The following DCAF6 variants were observed in gnomAD, a reference collection of about 807,000 sequenced individuals.
DCAF6 encodes the protein DDB1- and CUL4-associated factor 6.
A neutral mutation model predicts 125.1 loss-of-function variants in DCAF6; 54 were observed. The observed-to-expected ratio is 0.43, with a 90% CI of 0.35 to 0.54. DCAF6 has a LOEUF of 0.54. DCAF6 is among the 20% of genes least tolerant of loss of function. The pLI is 0.01. For missense variants in DCAF6, 934 were observed against 1,161.7 expected, an observed-to-expected ratio of 0.80 and a Z score of 2.85; for synonymous variants, 371 against 390.4, an observed-to-expected ratio of 0.95 and a Z score of 0.58.
intron 16 of DCAF6, among the ~76,000 whole-genome samples, chr1:168,050,439 G>A (rs1345392690): frequency 6.6e-6 from 1 of 152,168 alleles, no homozygotes; most frequent in Non-Finnish European, 1.5e-5. Context: ...GACTCCTAGG[G>A]AGTTAAAAGC....
At chr1:167,927,497 A>G in the DCAF6 span, among the ~76,000 whole-genome samples, 8 of 152,142 alleles carry the variant, frequency 5.3e-5, no homozygotes, top group Non-Finnish European at 1.2e-4. Flanking sequence ...GAGTCAGTCC[A>G]TGTATTGTTT....
At chr1:168,036,249 T>C (rs1687790616) in intron 12 of DCAF6, among the ~76,000 whole-genome samples, 1 of 152,202 alleles carries the variant, frequency 6.6e-6, no homozygotes, top group Admixed American at 6.5e-5. Context: ...AGCATGTAGA[T>C]ATCTATAACT....
chr1:167,882,271 G>A, the DCAF6 span, among the ~76,000 whole-genome samples: 1 of 152,008 alleles, frequency 6.6e-6, no homozygotes, highest in South Asian at 2.1e-4. Flanking sequence ...GATCACTTGA[G>A]GTCAGGAATT....
chr1:167,884,336 G>C, the DCAF6 span, among the ~76,000 whole-genome samples: 1 of 152,050 alleles, frequency 6.6e-6, no homozygotes, highest in African/African-American at 2.4e-5. Flanking sequence ...GAGAGCAGGG[G>C]GAGTGCTACA....
At chr1:167,948,608 A>G (rs1006174378) in intron 1 of DCAF6, among the ~76,000 whole-genome samples, 36 of 152,180 alleles carry the variant, frequency 2.4e-4, no homozygotes, top group South Asian at 2.1e-4. Context: ...AAAATGAGCA[A>G]TAGCTGTATA....
At chr1:168,041,898 A>G (rs1014828056) in intron 13 of DCAF6, among the ~76,000 whole-genome samples, 5 of 96,460 alleles carry the variant, frequency 5.2e-5, no homozygotes, top group South Asian at 5.2e-4. Context: ...TGTCGCGCAC[A>G]CACACACACA....
At chr1:168,049,954 C>G (rs566361699) in intron 16 of DCAF6, among the ~76,000 whole-genome samples, 4 of 149,938 alleles carry the variant, frequency 2.7e-5, no homozygotes, top group Admixed American at 2.6e-4. Context: ...CGCACCCAGG[C>G]TGTATAATTT....
the DCAF6 span, among the ~76,000 whole-genome samples, chr1:167,891,393 A>G: frequency 1.3e-5 from 2 of 151,904 alleles, no homozygotes; most frequent in Non-Finnish European, 2.9e-5. Context: ...GCAGTGGCTC[A>G]CATCTGTAAT....
chr1:167,957,302 C>T (rs1571659420), intron 2 of DCAF6, among the ~76,000 whole-genome samples: 1 of 151,982 alleles, frequency 6.6e-6, no homozygotes, highest in African/African-American at 2.4e-5. Context: ...CTAATACTTT[C>T]TGTCTCTACC....
chr1:167,885,612 G>A, the DCAF6 span, among the ~76,000 whole-genome samples: 29 of 152,030 alleles, frequency 1.9e-4, no homozygotes, highest in Non-Finnish European at 4.4e-5. Context: ...TTTGAGAAAT[G>A]TCTATTTCGA....
intron 20 of DCAF6, among the ~76,000 whole-genome samples, chr1:168,067,117 T>C (rs1478217903): frequency 6.6e-6 from 1 of 152,224 alleles, no homozygotes; most frequent in Non-Finnish European, 1.5e-5. Context: ...GGTTCTCATA[T>C]ACTATTTCTT....
intron 1 of DCAF6, among the ~76,000 whole-genome samples, chr1:167,948,013 T>G (rs1673332059): frequency 6.6e-6 from 1 of 152,200 alleles, no homozygotes; most frequent in Non-Finnish European, 1.5e-5. Flanking sequence ...TTTCTTTAGG[T>G]CTAGTAATAC....
rs530050271 is a variant in DCAF6 at position 167,943,021 on chromosome 1, C to T, written c.97+6013C>T. Among the ~76,000 whole-genome samples the T allele has an allele frequency of 5.3e-5, 8 of 152,272 alleles. No individual in the cohort carries two copies. In the South Asian group the frequency reaches 1.0e-3, roughly 20 times the overall value. On this transcript the variant is annotated intron_variant, in intron 1 of 21. Coordinates refer to ENST00000367840, the MANE Select transcript of DCAF6 (RefSeq NM_001198956.2). ...TCCTGGGTTCACACCATTCTCCTGC[C>T]TCAGCCTCCCGAGTAGCTGGGACTA...
chr1:168,055,338 T>G (rs1446671382), intron 17 of DCAF6, among the ~76,000 whole-genome samples: 186 of 6,120 alleles, frequency 0.03, 27 homozygotes, highest in Middle Eastern at 0.17. Flanking sequence ...TAAGTTTTTT[T>G]TTTTTTTTTT....
chr1:167,943,200 C>T (rs571174127), intron 1 of DCAF6, among the ~76,000 whole-genome samples: 11 of 152,284 alleles, frequency 7.2e-5, no homozygotes, highest in Admixed American at 1.3e-4. Context: ...TGAGCCACCG[C>T]GCCTGGCCGA....
chr1:167,931,397 T>C (rs557887203), upstream of DCAF6, among the ~76,000 whole-genome samples: 1 of 152,338 alleles, frequency 6.6e-6, no homozygotes, highest in South Asian at 2.1e-4. Flanking sequence ...TGTTTGAAGA[T>C]ATTCTATTTT....
intron 4 of DCAF6, among the ~76,000 whole-genome samples, chr1:167,979,525 T>A (rs142071612): frequency 3.9e-5 from 6 of 152,322 alleles, no homozygotes; most frequent in Middle Eastern, 6.8e-3. Context: ...TTGTAGCATA[T>A]GTCAGAATTT....
chr1:167,982,593 T>G (rs1268343686), intron 4 of DCAF6, among the ~76,000 whole-genome samples: 1 of 152,216 alleles, frequency 6.6e-6, no homozygotes, highest in Non-Finnish European at 1.5e-5. Context: ...GCAAATATTT[T>G]CTTTCATTCT....
chr1:167,891,097 G>A, the DCAF6 span, among the ~76,000 whole-genome samples: 1 of 152,012 alleles, frequency 6.6e-6, no homozygotes, highest in Non-Finnish European at 1.5e-5. Context: ...GAGTAGCTGG[G>A]ATTACAGGTG....
Sources: gnomAD v4.1 joint callset for allele counts (sites outside exome capture counted in the v4.1 genomes callset) on GRCh38, gnomAD v4.1.1 for gene constraint, MANE v1.5 for transcripts, NCBI Gene and HGNC (gene_info 2026-07-23, HGNC 2026-07-21) for gene names.